Variants in LMBR1 observed in about 807,000 individuals in gnomAD.
LMBR1 encodes limb region 1 protein homolog.
In LMBR1, 52 loss-of-function variants were observed where a neutral mutation model predicts 73.9. The observed-to-expected ratio is 0.70, with a 90% confidence interval of 0.56 to 0.89. The LOEUF (loss-of-function observed/expected upper bound fraction) is 0.89. LMBR1 is among the 40% of genes least tolerant of loss of function. The probability of loss-of-function intolerance (pLI) is 0.00; values close to 1 mark genes in which losing one functional copy is unlikely to be tolerated. For missense variants in LMBR1, 539 were observed against 579.8 expected (o/e 0.93, Z 0.72); for synonymous variants, 215 against 209.4 (o/e 1.03, Z -0.23).
At chr7:156,783,153 A>C (rs1035688150) in intron 5 of LMBR1, among the ~76,000 whole-genome samples, 1 of 152,032 alleles carries the variant, frequency 6.6e-6, no homozygotes, top group Non-Finnish European at 1.5e-5. Context: ...AATATCTATC[A>C]ATTTATTTAG....
chr7:156,859,373 G>C (rs1490410587), intron 1 of LMBR1, among the ~76,000 whole-genome samples: 2 of 151,954 alleles, frequency 1.3e-5, no homozygotes, highest in East Asian at 3.9e-4. Context: ...ACAAGAAAAG[G>C]AAATAAAAGG....
At chr7:156,834,541 T>C in intron 2 of LMBR1, 1 of 317,902 alleles carries the variant, frequency 3.1e-6, no homozygotes, top group Admixed American at 3.3e-5. Context: ...AGGTCGAGGC[T>C]ACAGTCAGCC....
At chr7:156,714,426 G>A (rs1812757050) in intron 15 of LMBR1, among the ~76,000 whole-genome samples, 1 of 152,188 alleles carries the variant, frequency 6.6e-6, no homozygotes, top group Non-Finnish European at 1.5e-5. Flanking sequence ...TGTGTTCAAA[G>A]GCATAGAAGG....
chr7:156,723,546 T>C (rs183251857), intron 15 of LMBR1, among the ~76,000 whole-genome samples: 1 of 152,226 alleles, frequency 6.6e-6, no homozygotes, highest in East Asian at 1.9e-4. Flanking sequence ...AAAGCAAAAA[T>C]CTGTTTTTCT....
chr7:156,840,764 C>T (rs1486975564), intron 1 of LMBR1, among the ~76,000 whole-genome samples: 1 of 150,796 alleles, frequency 6.6e-6, no homozygotes, highest in African/African-American at 2.4e-5. Context: ...TCGAGACCAT[C>T]CTGACTAACA....
chr7:156,678,103 G>A lies in LMBR1; in HGVS notation c.*5975C>T, dbSNP rs536298251. The A allele has an allele frequency of 2.6e-5, 4 of 152,372 alleles. No individual in the cohort carries two copies. The highest frequency in any genetic ancestry group is 2.0e-4 in the Admixed American group (3 of 15,308). 9.4% of individuals were successfully genotyped at this position (152,372 alleles called of 1,614,324 possible). ...TAAGGCTGTGCCCAACACTTCTTCC[G>A]GGGCTTTCTCATCACATCTGTGAGC... On this transcript the variant is annotated 3_prime_UTR_variant, in exon 17 of 17. Coordinates refer to ENST00000353442, the MANE Select transcript of LMBR1 (RefSeq NM_022458.4).
At chr7:156,708,689 G>A (rs1288160031) in intron 15 of LMBR1, among the ~76,000 whole-genome samples, 1 of 152,326 alleles carries the variant, frequency 6.6e-6, no homozygotes, top group South Asian at 2.1e-4. Flanking sequence ...TAGGGGGGCA[G>A]GGTGCAAATG....
chr7:156,810,985 A>G (rs1486036486), intron 4 of LMBR1, among the ~76,000 whole-genome samples: 2 of 150,316 alleles, frequency 1.3e-5, no homozygotes, highest in Admixed American at 1.3e-4. Flanking sequence ...TAATTTTTGT[A>G]TTTTTAGTAG....
chr7:156,715,561 G>A (rs990851605), intron 15 of LMBR1, among the ~76,000 whole-genome samples: 2 of 151,830 alleles, frequency 1.3e-5, no homozygotes, highest in Non-Finnish European at 1.5e-5. Context: ...AAGTATATTC[G>A]CCATTGGTAC....
intron 5 of LMBR1, among the ~76,000 whole-genome samples, chr7:156,771,978 C>CA (rs369073261): frequency 6.6e-6 from 1 of 152,046 alleles, no homozygotes; most frequent in African/African-American, 2.4e-5. Context: ...AAACTAAAAA[C>CA]AAAAACCACA....
At chr7:156,674,522 C>CACCT (rs1803356364), downstream of LMBR1, among the ~76,000 whole-genome samples, 1 of 152,178 alleles carries the variant, frequency 6.6e-6, no homozygotes, top group Non-Finnish European at 1.5e-5. Flanking sequence ...CTGAATGAGC[C>CACCT]ACCTACCCGT....
intron 1 of LMBR1, among the ~76,000 whole-genome samples, chr7:156,840,022 G>A (rs538311210): frequency 6.6e-6 from 1 of 152,316 alleles, no homozygotes; most frequent in East Asian, 1.9e-4. Flanking sequence ...ATGGAGAGAA[G>A]ACAGAAACAC....
intron 9 of LMBR1, among the ~76,000 whole-genome samples, chr7:156,754,209 T>A (rs1821437694): frequency 1.3e-5 from 2 of 152,168 alleles, no homozygotes; most frequent in Non-Finnish European, 2.9e-5. Context: ...AACCTCCCAA[T>A]AGCTTTATGC....
chr7:156,819,544 T>C (rs550485030), intron 4 of LMBR1, among the ~76,000 whole-genome samples: 12 of 152,298 alleles, frequency 7.9e-5, no homozygotes, highest in Admixed American at 1.3e-4. Flanking sequence ...CATGGGAGAT[T>C]AAAGGAATCT....
At chr7:156,737,974 T>A (rs2132548011) in intron 9 of LMBR1, among the ~76,000 whole-genome samples, 1 of 152,154 alleles carries the variant, frequency 6.6e-6, no homozygotes, top group East Asian at 1.9e-4. Context: ...AGCACCAAAT[T>A]TTAACAACTA....
chr7:156,797,319 C>A (rs758607066), intron 4 of LMBR1, among the ~76,000 whole-genome samples: 1 of 151,964 alleles, frequency 6.6e-6, no homozygotes, highest in Admixed American at 6.5e-5. Context: ...ATATTTTTTA[C>A]AGGTAAAAAA....
At chr7:156,783,694 A>G (rs189407883) in intron 5 of LMBR1, among the ~76,000 whole-genome samples, 11 of 152,256 alleles carry the variant, frequency 7.2e-5, no homozygotes, top group African/African-American at 2.4e-4. Context: ...TTTTAAATTC[A>G]GCTGAGCTTG....
chr7:156,699,855 C>T (rs1809234681), intron 15 of LMBR1, among the ~76,000 whole-genome samples: 1 of 152,272 alleles, frequency 6.6e-6, no homozygotes, highest in African/African-American at 2.4e-5. Context: ...CAATGAGACA[C>T]CATCTCACAC....
chr7:156,772,471 C>T (rs751193735), intron 5 of LMBR1, among the ~76,000 whole-genome samples: 62 of 152,214 alleles, frequency 4.1e-4, no homozygotes, highest in Middle Eastern at 3.4e-3. Flanking sequence ...CCTTGAGAAC[C>T]GTAACAAGAC....
Sources: gnomAD v4.1 joint callset for allele counts (sites outside exome capture counted in the v4.1 genomes callset) on GRCh38, gnomAD v4.1.1 for gene constraint, MANE v1.5 for transcripts, NCBI Gene and HGNC (gene_info 2026-07-23, HGNC 2026-07-21) for gene names.